Variants in CCSER2 observed in about 807,000 individuals in gnomAD.
CCSER2 encodes the protein coiled-coil serine rich protein 2, also known as serine-rich coiled-coil domain-containing protein 2.
Under a neutral mutation model 92.3 loss-of-function variants are expected in CCSER2, and 46 were observed. That is an observed-to-expected ratio of 0.50 (90% CI 0.39 to 0.64). The LOEUF is 0.64. Among genes scored for constraint, CCSER2 ranks in the 30% least tolerant of loss-of-function variants. The pLI is 0.00. For missense variants in CCSER2, 1,244 were observed against 1,238.9 expected, an observed-to-expected ratio of 1.00 and a Z score of -0.06; for synonymous variants, 433 against 431.4, an observed-to-expected ratio of 1.00 and a Z score of -0.04.
chr10:84,449,627 G>A (rs1011360106), intron 6 of CCSER2, among the ~76,000 whole-genome samples: 5 of 152,120 alleles, frequency 3.3e-5, no homozygotes, highest in African/African-American at 9.7e-5. Context: ...GGCCAAGGTG[G>A]GCAGATCACC....
chr10:84,427,266 T>A (rs1458828970), intron 5 of CCSER2, among the ~76,000 whole-genome samples: 1 of 152,196 alleles, frequency 6.6e-6, no homozygotes. Context: ...GGTTATAGAT[T>A]GATCCGTTTA....
At chr10:84,476,093 C>T (rs1249354057) in intron 8 of CCSER2, among the ~76,000 whole-genome samples, 1 of 152,148 alleles carries the variant, frequency 6.6e-6, no homozygotes, top group Non-Finnish European at 1.5e-5. Flanking sequence ...GCCACAGCCT[C>T]CCAAAGTACT....
At position 84,394,385 on chromosome 10, in the gene CCSER2, A is replaced by ATGTGTGTGTGTGTG. The variant is rs60891669; in HGVS notation, c.1614+20596_1614+20609dup. 5.2e-3 allele frequency among the ~76,000 whole-genome samples: 684 copies of ATGTGTGTGTGTGTG among 132,662 alleles called. 7 individuals carry two copies. Among genetic ancestry groups the ATGTGTGTGTGTGTG allele is most frequent in the Admixed American group, 0.019 (273 of 14,086 alleles). 87.0% of individuals were successfully genotyped at this position (132,662 alleles called of 152,430 possible). On this transcript the variant is annotated intron_variant, in intron 3 of 9. Transcript: ENST00000372088. ...GCTCTTGAAATAACAAAAGGAAAGT[A>ATGTGTGTGTGTGTG]TGTGTGTGTGTGTGTGTGTGTGTGT...
rs79697232 is a variant in CCSER2 at position 84,495,097 on chromosome 10, G to C, written c.2325+17433G>C. ...TTTTCTCTTTTCTGTCTCTACTTCA[G>C]CTGTTTCCTACATATTATATATTTT... On this transcript the variant is annotated intron_variant, in intron 9 of 9. Transcript: ENST00000372088. 8.7e-3 allele frequency among the ~76,000 whole-genome samples: 1,297 copies of C among 149,722 alleles called. 8 individuals are homozygous for C. Among genetic ancestry groups the C allele is most frequent in the African/African-American group, 0.03 (1,234 of 40,816 alleles).
chr10:84,470,777 T>A (rs72826293), intron 8 of CCSER2, among the ~76,000 whole-genome samples: 15,151 of 152,096 alleles, frequency 0.1, 957 homozygotes, highest in Admixed American at 0.15. Flanking sequence ...AACAAGTACT[T>A]GTGAGTTGAG....
intron 3 of CCSER2, among the ~76,000 whole-genome samples, chr10:84,378,009 C>A (rs923417105): frequency 6.6e-6 from 1 of 152,050 alleles, no homozygotes; most frequent in Non-Finnish European, 1.5e-5. Flanking sequence ...TATAATCATA[C>A]CATTTGCAAA....
intron 9 of CCSER2, among the ~76,000 whole-genome samples, chr10:84,494,290 A>G (rs890090853): frequency 1.3e-5 from 2 of 152,194 alleles, no homozygotes; most frequent in Non-Finnish European, 2.9e-5. Flanking sequence ...TGGCATGTTA[A>G]TTTATTATAA....
intron 6 of CCSER2, among the ~76,000 whole-genome samples, chr10:84,459,819 T>G (rs540806840): frequency 2.8e-4 from 43 of 151,026 alleles, no homozygotes; most frequent in Non-Finnish European, 4.9e-4. Flanking sequence ...CCACCATGCC[T>G]GGTGGGTTTT....
chr10:84,416,724 C>G (rs1278704134), intron 3 of CCSER2, among the ~76,000 whole-genome samples: 1 of 151,982 alleles, frequency 6.6e-6, no homozygotes, highest in East Asian at 1.9e-4. Flanking sequence ...GTCAGGAGAT[C>G]GAGACCATCC....
chr10:84,497,380 AATAG>A (rs1233945489), intron 9 of CCSER2, among the ~76,000 whole-genome samples: 1 of 152,228 alleles, frequency 6.6e-6, no homozygotes, highest in African/African-American at 2.4e-5. Flanking sequence ...TTGATAGGCT[AATAG>A]ATGGGTGCCC....
At chr10:84,456,398 T>C (rs1845623549) in intron 6 of CCSER2, among the ~76,000 whole-genome samples, 1 of 152,232 alleles carries the variant, frequency 6.6e-6, no homozygotes, top group Non-Finnish European at 1.5e-5. Context: ...TCATTTATGC[T>C]GTACCGTGTA....
chr10:84,387,545 T>C (rs1841287166), intron 3 of CCSER2, among the ~76,000 whole-genome samples: 4 of 152,178 alleles, frequency 2.6e-5, no homozygotes, highest in Admixed American at 1.3e-4. Context: ...TTTTTTTTTT[T>C]TGAGACAGAG....
chr10:84,391,031 T>C (rs117818290), intron 3 of CCSER2: 20,388 of 775,952 alleles, frequency 0.026, 402 homozygotes, highest in South Asian at 0.066. Context: ...TTAGGAACAT[T>C]AGCAGATTCA....
At chr10:84,328,860 G>A in intron 1 of CCSER2, 52 bp downstream of exon 1, 1 of 152,292 alleles carries the variant, frequency 6.6e-6, no homozygotes, top group South Asian at 1.9e-4. Flanking sequence ...GGCGGGCGCC[G>A]GGGGCAGCCC....
chr10:84,435,660 G>T (rs899528245), intron 5 of CCSER2, among the ~76,000 whole-genome samples: 1 of 117,054 alleles, frequency 8.5e-6, no homozygotes, highest in African/African-American at 3.7e-5. Context: ...AAAAAAACAA[G>T]AACAACAAAA....
At chr10:84,374,374 T>A (rs544864381) in intron 3 of CCSER2, among the ~76,000 whole-genome samples, 1 of 152,312 alleles carries the variant, frequency 6.6e-6, no homozygotes, top group Non-Finnish European at 1.5e-5. Context: ...GTTGTGGGTC[T>A]GGACAGCTCT....
chr10:84,515,773 G>T lies in CCSER2; in HGVS notation c.*1506G>T, dbSNP rs921770362. ...AATAGAATTGAAGATGGGAAATTTTGTTTTATTAAAAAGGTGCTAGAAGAT... is the reference window on the plus strand; with the variant it reads ...AATAGAATTGAAGATGGGAAATTTTTTTTTATTAAAAAGGTGCTAGAAGAT... On this transcript the variant is annotated 3_prime_UTR_variant, in exon 10 of 10. Coordinates refer to ENST00000372088, the MANE Select transcript of CCSER2 (RefSeq NM_001284240.2). 2 of 152,110 alleles carry T rather than the reference G, an allele frequency of 1.3e-5. No individual in the cohort carries two copies. The highest frequency in any genetic ancestry group is 4.8e-5 in the African/African-American group (2 of 41,424). The allele number at this position is 152,110 out of a possible 1,614,324, so 9.4% of individuals were successfully genotyped here.
chr10:84,411,753 A>G (rs1405338165), intron 3 of CCSER2, among the ~76,000 whole-genome samples: 1 of 152,214 alleles, frequency 6.6e-6, no homozygotes, highest in African/African-American at 2.4e-5. Flanking sequence ...CTCATCTGCA[A>G]ACAAAGATAA....
At chr10:84,346,354 G>T (rs527917527) in intron 1 of CCSER2, among the ~76,000 whole-genome samples, 4 of 151,356 alleles carry the variant, frequency 2.6e-5, no homozygotes, top group Middle Eastern at 6.8e-3. Flanking sequence ...GTGAGCCACC[G>T]CACCCAGCCA....
Sources: allele counts gnomAD v4.1 joint callset (sites outside exome capture counted in the v4.1 genomes callset), GRCh38; gene constraint gnomAD v4.1.1; transcripts MANE v1.5; gene names NCBI Gene and HGNC (gene_info 2026-07-23, HGNC 2026-07-21).